Variants in ST6GALNAC5 observed in about 807,000 individuals in gnomAD.
ST6GALNAC5 encodes the protein ST6 N-acetylgalactosaminide alpha-2,6-sialyltransferase 5.
In ST6GALNAC5, 27 loss-of-function variants were observed where a neutral mutation model predicts 33.6. That is an observed-to-expected ratio of 0.80 (90% confidence interval 0.59 to 1.11). ST6GALNAC5 has a LOEUF of 1.11. Among genes scored for constraint, ST6GALNAC5 ranks in the 50% least tolerant of loss-of-function variants. The pLI, the probability that ST6GALNAC5 is intolerant of heterozygous loss-of-function variation, is 0.00. For synonymous variants in ST6GALNAC5, 194 were observed against 171.2 expected, an observed-to-expected ratio of 1.13 and a Z score of -1.04; for missense variants, 428 against 454.0, an observed-to-expected ratio of 0.94 and a Z score of 0.52.
intron 2 of ST6GALNAC5, among the ~76,000 whole-genome samples, chr1:77,020,987 A>C (rs1460036342): frequency 6.6e-6 from 1 of 152,214 alleles, no homozygotes; most frequent in Non-Finnish European, 1.5e-5. Context: ...ACAGAGAGCC[A>C]GGCAGAAGCC....
At chr1:76,982,392 T>C (rs934190755) in intron 2 of ST6GALNAC5, among the ~76,000 whole-genome samples, 1 of 152,050 alleles carries the variant, frequency 6.6e-6, no homozygotes, top group African/African-American at 2.4e-5. Flanking sequence ...GCTGAATCAA[T>C]CAAGTGGAAG....
At chr1:76,907,010 C>T (rs956021737) in intron 2 of ST6GALNAC5, among the ~76,000 whole-genome samples, 4 of 152,004 alleles carry the variant, frequency 2.6e-5, no homozygotes, top group Non-Finnish European at 4.4e-5. Flanking sequence ...CCTAATAGGC[C>T]ACTTCTGGTA....
chr1:77,017,433 G>A (rs1415864385), intron 2 of ST6GALNAC5, among the ~76,000 whole-genome samples: 1 of 152,160 alleles, frequency 6.6e-6, no homozygotes, highest in Non-Finnish European at 1.5e-5. Context: ...CTCTCCATGG[G>A]CAAGGCTGGC....
chr1:77,009,251 G>C (rs1020907944), intron 2 of ST6GALNAC5, among the ~76,000 whole-genome samples: 5 of 152,128 alleles, frequency 3.3e-5, no homozygotes, highest in Non-Finnish European at 5.9e-5. Flanking sequence ...ATTGAATCTT[G>C]TATTTTCCTC....
At chr1:76,951,285 T>C (rs1009583415) in intron 2 of ST6GALNAC5, among the ~76,000 whole-genome samples, 1 of 152,162 alleles carries the variant, frequency 6.6e-6, no homozygotes, top group African/African-American at 2.4e-5. Context: ...TTGTCTCCAC[T>C]GAAGAACAAA....
At chr1:76,900,760 G>A (rs961756478) in intron 2 of ST6GALNAC5, among the ~76,000 whole-genome samples, 12 of 151,990 alleles carry the variant, frequency 7.9e-5, no homozygotes, top group Non-Finnish European at 1.3e-4. Flanking sequence ...TATGTTTCTT[G>A]CATGTTTCTT....
chr1:77,064,970 T>A lies in ST6GALNAC5; in HGVS notation c.*1764T>A, dbSNP rs563805411. 6.6e-6 allele frequency: 1 copy of A among 152,328 alleles called. No homozygotes were observed. Among genetic ancestry groups the A allele is most frequent in the South Asian group, 2.1e-4 (1 of 4,830 alleles). 9.4% of individuals were successfully genotyped at this position (152,328 alleles called of 1,614,324 possible). The stretch of plus-strand genomic sequence containing the variant: ...TCACATAACATAAACAAAGTTGATA[T>A]TGATGTGTATGGCTTGGGCTGTTCA... On this transcript the variant is annotated 3_prime_UTR_variant, in exon 5 of 5. Transcript: ENST00000477717.
chr1:77,006,970 C>A (rs1210459336), intron 2 of ST6GALNAC5, among the ~76,000 whole-genome samples: 2 of 152,154 alleles, frequency 1.3e-5, no homozygotes, highest in African/African-American at 2.4e-5. Flanking sequence ...AGTAAGCTAA[C>A]CCCAGCTTGC....
chr1:76,867,755 C>T, intron 1 of ST6GALNAC5, 65 bp downstream of exon 1: 1 of 1,612,824 alleles, frequency 6.2e-7, no homozygotes, highest in Non-Finnish European at 8.5e-7. Context: ...GTCCACGGGA[C>T]GCACCGTGGA....
chr1:77,036,950 G>A (rs1172378337), intron 2 of ST6GALNAC5, among the ~76,000 whole-genome samples: 8 of 152,194 alleles, frequency 5.3e-5, no homozygotes, highest in Non-Finnish European at 8.8e-5. Flanking sequence ...AGATTGAGTG[G>A]TCAAGGAAAG....
At chr1:76,963,242 T>C (rs1348631554) in intron 2 of ST6GALNAC5, among the ~76,000 whole-genome samples, 1 of 152,236 alleles carries the variant, frequency 6.6e-6, no homozygotes, top group African/African-American at 2.4e-5. Context: ...AGCCATATTT[T>C]TTCCAGCTAG....
chr1:77,020,111 G>A (rs988780693), intron 2 of ST6GALNAC5, among the ~76,000 whole-genome samples: 1 of 152,174 alleles, frequency 6.6e-6, no homozygotes, highest in African/African-American at 2.4e-5. Flanking sequence ...ATAACACTAA[G>A]CAAAGTCTTC....
intron 2 of ST6GALNAC5, among the ~76,000 whole-genome samples, chr1:77,040,091 T>C (rs1651784335): frequency 6.6e-6 from 1 of 152,190 alleles, no homozygotes; most frequent in African/African-American, 2.4e-5. Flanking sequence ...CAGAGGACTG[T>C]ACCAAATCAT....
At chr1:76,987,346 C>T (rs781167610) in intron 2 of ST6GALNAC5, among the ~76,000 whole-genome samples, 2 of 152,062 alleles carry the variant, frequency 1.3e-5, no homozygotes, top group Non-Finnish European at 2.9e-5. Flanking sequence ...AGATTTTCAG[C>T]GTCATTCATC....
intron 2 of ST6GALNAC5, among the ~76,000 whole-genome samples, chr1:77,005,682 C>T (rs1650383116): frequency 6.6e-6 from 1 of 152,232 alleles, no homozygotes; most frequent in Admixed American, 6.5e-5. Context: ...TGAAACTCCA[C>T]ACTCATTAAA....
At chr1:76,905,756 T>C (rs1394850452) in intron 2 of ST6GALNAC5, among the ~76,000 whole-genome samples, 1 of 152,224 alleles carries the variant, frequency 6.6e-6, no homozygotes, top group East Asian at 1.9e-4. Context: ...GTCAGTCTTT[T>C]GCAAATAGGG....
intron 2 of ST6GALNAC5, among the ~76,000 whole-genome samples, chr1:76,898,149 G>C (rs1426029034): frequency 6.6e-6 from 1 of 152,180 alleles, no homozygotes; most frequent in Non-Finnish European, 1.5e-5. Context: ...TTTTCAGTGG[G>C]GTCTCACACA....
rs1316890918 is a variant in ST6GALNAC5, at chr1:77,064,378, C to T, written c.*1172C>T. 1 of 151,320 alleles carries T rather than the reference C, an allele frequency of 6.6e-6. No individual in the cohort carries two copies. The allele number at this position is 151,320 out of a possible 1,614,324, so 9.4% of individuals were successfully genotyped here. A position where few individuals can be genotyped will look rare whatever the true frequency, so the allele number is the denominator to read the frequency against. ...CCTGCTTCTCTCGAAGCATCACCAT[C>T]CGCCTCTTCCCCAGCCTCTCAACAC... is the stretch of plus-strand genomic sequence containing the variant. On this transcript the variant is annotated 3_prime_UTR_variant, in exon 5 of 5. Coordinates refer to ENST00000477717, the MANE Select transcript of ST6GALNAC5 (RefSeq NM_030965.3).
intron 3 of ST6GALNAC5, among the ~76,000 whole-genome samples, chr1:77,049,782 TTCAG>T (rs989732223): frequency 6.6e-6 from 1 of 152,230 alleles, no homozygotes; most frequent in Non-Finnish European, 1.5e-5. Flanking sequence ...TCACCCTAAG[TTCAG>T]TCAATCAACC....
Sources: allele counts gnomAD v4.1 joint callset (sites outside exome capture counted in the v4.1 genomes callset), GRCh38; gene constraint gnomAD v4.1.1; transcripts MANE v1.5; gene names NCBI Gene and HGNC (gene_info 2026-07-23, HGNC 2026-07-21).